Variants in PTPN12 observed in about 807,000 individuals in gnomAD.
The protein encoded by PTPN12 is tyrosine-protein phosphatase non-receptor type 12.
Under a neutral mutation model 97.6 loss-of-function variants are expected in PTPN12, and 29 were observed. The ratio of observed to expected loss-of-function variants is 0.30; its 90% confidence interval spans 0.22 to 0.41. The LOEUF is 0.41. PTPN12 is among the 10% of genes least tolerant of loss of function. PTPN12 has a pLI of 1.00. For missense variants in PTPN12, 819 were observed against 926.0 expected (o/e 0.88, Z 1.50); for synonymous variants, 327 against 300.4 (o/e 1.09, Z -0.91).
chr7:77,555,314 G>A (rs1584101404), intron 1 of PTPN12, among the ~76,000 whole-genome samples: 1 of 151,506 alleles, frequency 6.6e-6, no homozygotes, highest in East Asian at 1.9e-4. Flanking sequence ...TGGATCTGTG[G>A]TTTGGTTTCT....
intron 1 of PTPN12, among the ~76,000 whole-genome samples, chr7:77,548,763 G>T (rs1386152692): frequency 6.6e-6 from 1 of 152,184 alleles, no homozygotes; most frequent in Non-Finnish European, 1.5e-5. Flanking sequence ...AGTGAAGAAA[G>T]AATTTATTGC....
At chr7:77,614,695 G>A (rs937248186) in intron 11 of PTPN12, among the ~76,000 whole-genome samples, 1 of 152,094 alleles carries the variant, frequency 6.6e-6, no homozygotes, top group Non-Finnish European at 1.5e-5. Flanking sequence ...GGCTGTCTGT[G>A]GTTGCAGACC....
intron 6 of PTPN12, among the ~76,000 whole-genome samples, chr7:77,593,655 T>C (rs1787936929): frequency 6.6e-6 from 1 of 152,210 alleles, no homozygotes; most frequent in South Asian, 2.1e-4. Context: ...CTTCAACAGA[T>C]TGGATGAGGC....
At chr7:77,605,434 T>C (rs1402459866) in intron 8 of PTPN12, among the ~76,000 whole-genome samples, 1 of 140,786 alleles carries the variant, frequency 7.1e-6, no homozygotes, top group Non-Finnish European at 1.5e-5. Context: ...TTTTTTTTTT[T>C]TTTGAGACGG....
chr7:77,596,095 A>G (rs1489815158), intron 6 of PTPN12, among the ~76,000 whole-genome samples: 1 of 152,220 alleles, frequency 6.6e-6, no homozygotes, highest in Non-Finnish European at 1.5e-5. Context: ...ATGACATTCT[A>G]TGTATATTTA....
intron 14 of PTPN12, among the ~76,000 whole-genome samples, chr7:77,632,800 T>C (rs1562765418): frequency 1.3e-5 from 2 of 151,752 alleles, no homozygotes; most frequent in Non-Finnish European, 2.9e-5. Context: ...CTACTAAAAA[T>C]ATAAAAATTA....
At position 77,597,898 on chromosome 7, in the gene PTPN12, A is replaced by C. The variant is rs781160122; in HGVS notation, c.549A>C (p.Gln183His). 14 of 1,612,626 alleles carry C rather than the reference A, an allele frequency of 8.7e-6. No individual in the cohort carries two copies. Among genetic ancestry groups the C allele is most frequent in the Non-Finnish European group, 1.1e-5 (13 of 1,179,522 alleles). ...YFIRTLLLEFQNESRRLYQFH... is the reference protein window; with the variant it reads ...YFIRTLLLEFHNESRRLYQFH... ...TCAGGACACTCTTACTTGAATTTCA[A>C]AATGTAGGTACTTACCATTTATAGA... Residue 183 changes from glutamine (Q) to histidine (H), a missense_variant, in exon 7 of 18, where the codon CAA becomes CAC. Gln to His is a conservative substitution (Grantham distance 24). Around this residue, in one of 5 missense-constraint regions of PTPN12, gnomAD observed 45 missense variants for 52.0 expected, o/e 0.87. Transcript: ENST00000248594.
intron 12 of PTPN12, among the ~76,000 whole-genome samples, chr7:77,625,467 T>TGCTCTC (rs1789103578): frequency 1.0e-4 from 2 of 19,918 alleles, no homozygotes; most frequent in African/African-American, 9.2e-4. Flanking sequence ...TTGCCCAGGC[T>TGCTCTC]GCTCGCTCTC....
At chr7:77,604,189 T>C (rs1788278742) in intron 8 of PTPN12, among the ~76,000 whole-genome samples, 1 of 142,224 alleles carries the variant, frequency 7.0e-6, no homozygotes, top group Admixed American at 7.2e-5. Flanking sequence ...TTCCCAGCCT[T>C]TGTTTGCATT....
At chr7:77,626,024 T>C (rs1029465431) in intron 12 of PTPN12, among the ~76,000 whole-genome samples, 7 of 152,180 alleles carry the variant, frequency 4.6e-5, no homozygotes, top group African/African-American at 1.7e-4. Flanking sequence ...GAACCAGTAG[T>C]CCACACTGGA....
At chr7:77,563,325 A>C (rs901750206) in intron 1 of PTPN12, among the ~76,000 whole-genome samples, 1 of 152,222 alleles carries the variant, frequency 6.6e-6, no homozygotes. Context: ...GATTATGCTG[A>C]TAGTAGCTAT....
chr7:77,614,354 A>G (rs1045597332), intron 11 of PTPN12, among the ~76,000 whole-genome samples: 1 of 152,178 alleles, frequency 6.6e-6, no homozygotes, highest in African/African-American at 2.4e-5. Context: ...CTATACTAGG[A>G]TTATAATTCT....
chr7:77,555,776 G>A (rs1401193262), intron 1 of PTPN12, among the ~76,000 whole-genome samples: 4 of 151,946 alleles, frequency 2.6e-5, no homozygotes, highest in African/African-American at 9.7e-5. Context: ...TTAGCTGGGC[G>A]TGGTGGTGGG....
intron 1 of PTPN12, among the ~76,000 whole-genome samples, chr7:77,560,971 C>T (rs146642590): frequency 7.7e-4 from 118 of 152,288 alleles, no homozygotes; most frequent in African/African-American, 2.7e-3. Flanking sequence ...GAGGAACCAC[C>T]GTACTGTTTC....
At chr7:77,589,871 T>C (rs1161497403) in intron 5 of PTPN12, among the ~76,000 whole-genome samples, 1 of 152,204 alleles carries the variant, frequency 6.6e-6, no homozygotes, top group African/African-American at 2.4e-5. Context: ...AGTAAGCTCA[T>C]AGTATGTATC....
chr7:77,620,044 C>T (rs1788879993), intron 12 of PTPN12, among the ~76,000 whole-genome samples: 2 of 152,046 alleles, frequency 1.3e-5, no homozygotes, highest in South Asian at 4.1e-4. Flanking sequence ...ATATAGGAGC[C>T]CTAGAATCCT....
chr7:77,562,472 T>C (rs1310873316), intron 1 of PTPN12, among the ~76,000 whole-genome samples: 1 of 152,174 alleles, frequency 6.6e-6, no homozygotes, highest in Non-Finnish European at 1.5e-5. Context: ...GGGACTATAA[T>C]GATTGTGTTT....
chr7:77,598,674 C>T (rs1318551648), intron 7 of PTPN12, among the ~76,000 whole-genome samples: 1 of 151,948 alleles, frequency 6.6e-6, no homozygotes, highest in East Asian at 1.9e-4. Context: ...CAGAGCAAGA[C>T]TCTGTCTCAA....
intron 14 of PTPN12, among the ~76,000 whole-genome samples, chr7:77,635,264 T>C (rs1330014320): frequency 6.6e-6 from 1 of 152,166 alleles, no homozygotes; most frequent in Non-Finnish European, 1.5e-5. Flanking sequence ...AAACCCTGTC[T>C]GTATAAAATC....
Sources: allele counts gnomAD v4.1 joint callset (sites outside exome capture counted in the v4.1 genomes callset), GRCh38; gene constraint gnomAD v4.1.1; regional missense constraint gnomAD v4.1.1; transcripts MANE v1.5; gene names NCBI Gene and HGNC (gene_info 2026-07-23, HGNC 2026-07-21).